The following TRPC4 variants were observed in gnomAD, a reference collection of about 807,000 sequenced individuals.
TRPC4 encodes transient receptor potential cation channel subfamily C member 4, also known as short transient receptor potential channel 4.
Under a neutral mutation model 99.4 loss-of-function variants are expected in TRPC4, and 49 were observed. That is an observed-to-expected ratio of 0.49 (90% CI 0.39 to 0.63). The LOEUF (loss-of-function observed/expected upper bound fraction) is 0.63. Ranked by LOEUF, TRPC4 falls within the 20% of genes least tolerant of loss-of-function variation. The pLI, the probability that TRPC4 is intolerant of heterozygous loss-of-function variation, is 0.00. For missense variants in TRPC4, 898 were observed against 1,152.9 expected (o/e 0.78, Z 3.20); for synonymous variants, 454 against 425.9 (o/e 1.07, Z -0.81).
At chr13:37,701,779 C>T (rs1954109253) in intron 3 of TRPC4, among the ~76,000 whole-genome samples, 2 of 152,142 alleles carry the variant, frequency 1.3e-5, no homozygotes, top group African/African-American at 4.8e-5. Flanking sequence ...AAGGACTTCA[C>T]TGATTATTTT....
intron 1 of TRPC4, among the ~76,000 whole-genome samples, chr13:37,822,482 C>G (rs764337231): frequency 1.4e-5 from 2 of 143,666 alleles, no homozygotes; most frequent in Admixed American, 1.4e-4. Context: ...CATGTGATCT[C>G]ATTGTTTGAT....
intron 1 of TRPC4, among the ~76,000 whole-genome samples, chr13:37,840,000 C>G (rs915886853): frequency 4.6e-5 from 7 of 152,022 alleles, no homozygotes; most frequent in African/African-American, 1.5e-4. Flanking sequence ...AATTAATTTT[C>G]AGACACAAAT....
At chr13:37,739,157 ATAAC>A (rs1242356168) in intron 3 of TRPC4, among the ~76,000 whole-genome samples, 1 of 152,186 alleles carries the variant, frequency 6.6e-6, no homozygotes, top group East Asian at 1.9e-4. Context: ...AGAGAAAACA[ATAAC>A]TAATTTTAAC....
chr13:37,814,073 C>A (rs1023489424), intron 1 of TRPC4, among the ~76,000 whole-genome samples: 2 of 151,604 alleles, frequency 1.3e-5, no homozygotes, highest in Non-Finnish European at 3.0e-5. Context: ...AATAAAAAAA[C>A]CCACATCATC....
At chr13:37,665,549 C>A (rs1004276243) in intron 5 of TRPC4, among the ~76,000 whole-genome samples, 12 of 152,068 alleles carry the variant, frequency 7.9e-5, no homozygotes, top group Admixed American at 6.6e-4. Flanking sequence ...GGCAGACAGG[C>A]ACAACTAATT....
rs548518449 is a variant in TRPC4 at position 37,637,356 on chromosome 13, C to G, written c.2481G>C (p.Glu827Asp). Reference sequence around the variant, plus strand: ...CTTTTCTCTGCTTCTCCCTGGGCGGCTCCTGAACCACCAGGGCAGAGCCAT... The same window carrying G: ...CTTTTCTCTGCTTCTCCCTGGGCGGGTCCTGAACCACCAGGGCAGAGCCAT... Reference protein sequence around the residue: ...ISNGSALVVQEPPREKQRKVN... With the variant: ...ISNGSALVVQDPPREKQRKVN... The change falls in exon 11 of 11, where the codon GAG becomes GAC. Residue 827 changes from glutamate (E) to aspartate (D), a missense_variant. By Grantham distance (45) the Glu-to-Asp change is conservative. Coordinates refer to ENST00000379705, the MANE Select transcript of TRPC4 (RefSeq NM_016179.4). 1 of 1,613,726 alleles carries G rather than the reference C, an allele frequency of 6.2e-7. No homozygotes were observed. Among genetic ancestry groups the G allele is most frequent in the African/African-American group, 1.3e-5 (1 of 74,986 alleles).
intron 1 of TRPC4, among the ~76,000 whole-genome samples, chr13:37,862,340 T>C (rs1394554234): frequency 1.3e-5 from 2 of 151,572 alleles, no homozygotes; most frequent in Non-Finnish European, 3.0e-5. Flanking sequence ...CCTCTTACAA[T>C]ACATAGCCTG....
At chr13:37,652,210 T>A (rs897309136) in intron 7 of TRPC4, among the ~76,000 whole-genome samples, 1 of 152,224 alleles carries the variant, frequency 6.6e-6, no homozygotes, top group Non-Finnish European at 1.5e-5. Flanking sequence ...TAGCCATAAA[T>A]CTGATTTAAG....
intron 1 of TRPC4, among the ~76,000 whole-genome samples, chr13:37,826,577 T>C (rs1318653767): frequency 2.6e-5 from 4 of 151,976 alleles, no homozygotes; most frequent in Non-Finnish European, 5.9e-5. Flanking sequence ...AAAATTCTTC[T>C]CTTTAAGAAT....
intron 1 of TRPC4, among the ~76,000 whole-genome samples, chr13:37,841,972 G>A (rs1351126035): frequency 2.6e-5 from 4 of 151,822 alleles, no homozygotes; most frequent in Admixed American, 1.3e-4. Flanking sequence ...GTCTCAAAAA[G>A]AAAAAGAAAA....
rs146650471 is a variant in TRPC4, at chr13:37,721,565, A to G, written c.897+24372T>C. ...CAGTTTAGAATGAGGAGCCAATCAG[A>G]TAGGTAGATTTGGCTGAACATTGCA... On this transcript the variant is annotated intron_variant, in intron 3 of 10. Transcript: ENST00000379705. Among the ~76,000 whole-genome samples the G allele has an allele frequency of 4.4e-4, 67 of 152,284 alleles. 1 individual carries two copies. The East Asian group carries it at 0.012, about 28-fold the overall frequency.
At chr13:37,648,158 G>T (rs1430110373) in intron 8 of TRPC4, among the ~76,000 whole-genome samples, 2 of 152,094 alleles carry the variant, frequency 1.3e-5, no homozygotes, top group African/African-American at 2.4e-5. Flanking sequence ...GGCCAGGATG[G>T]TCTCTATCTC....
intron 3 of TRPC4, among the ~76,000 whole-genome samples, chr13:37,717,556 C>T (rs73458306): frequency 0.022 from 3,309 of 152,106 alleles, 49 homozygotes; most frequent in African/African-American, 0.047. Context: ...ACCCCAGAAC[C>T]TTAGAGTGTG....
At chr13:37,646,977 C>T (rs1951876127) in intron 8 of TRPC4, among the ~76,000 whole-genome samples, 1 of 152,160 alleles carries the variant, frequency 6.6e-6, no homozygotes, top group African/African-American at 2.4e-5. Context: ...ATAAAGCAGT[C>T]AAGTGAAAGA....
chr13:37,748,325 C>G (rs1354624146), intron 2 of TRPC4, among the ~76,000 whole-genome samples: 1 of 152,076 alleles, frequency 6.6e-6, no homozygotes, highest in Non-Finnish European at 1.5e-5. Context: ...AAGGCAATTT[C>G]TGGATTCAGT....
chr13:37,734,102 C>T (rs977004830), intron 3 of TRPC4, among the ~76,000 whole-genome samples: 3 of 152,142 alleles, frequency 2.0e-5, no homozygotes, highest in Admixed American at 2.0e-4. Flanking sequence ...ATGTTCCATG[C>T]TCTTCTTTGC....
chr13:37,726,587 A>T (rs946151939), intron 3 of TRPC4, among the ~76,000 whole-genome samples: 8 of 152,180 alleles, frequency 5.3e-5, no homozygotes, highest in African/African-American at 1.9e-4. Flanking sequence ...TGGCAAAATG[A>T]CAGAAGTAAG....
chr13:37,674,109 G>C, intron 5 of TRPC4, 119 bp downstream of exon 5: 1 of 929,556 alleles, frequency 1.1e-6, no homozygotes, highest in Non-Finnish European at 1.5e-6. Context: ...ACCATGAGCT[G>C]ATGAATACGA....
chr13:37,787,886 T>A (rs1593743870), intron 1 of TRPC4, among the ~76,000 whole-genome samples: 1 of 152,238 alleles, frequency 6.6e-6, no homozygotes, highest in East Asian at 1.9e-4. Context: ...AAGCGCTATC[T>A]CCATTTTAAT....
Sources: allele counts gnomAD v4.1 joint callset (sites outside exome capture counted in the v4.1 genomes callset), GRCh38; gene constraint gnomAD v4.1.1; transcripts MANE v1.5; gene names NCBI Gene and HGNC (gene_info 2026-07-23, HGNC 2026-07-21).